Variants in PLEKHG2 observed in about 807,000 individuals in gnomAD.
PLEKHG2 encodes the protein pleckstrin homology domain-containing family G member 2.
Under a neutral mutation model 104.4 loss-of-function variants are expected in PLEKHG2, and 71 were observed. The ratio of observed to expected loss-of-function variants is 0.68; its 90% confidence interval spans 0.56 to 0.83. The LOEUF (loss-of-function observed/expected upper bound fraction) is 0.83. Among genes scored for constraint, PLEKHG2 ranks in the 40% least tolerant of loss-of-function variants. The pLI is 0.00. For missense variants in PLEKHG2, 1,730 were observed against 1,809.4 expected (o/e 0.96, Z 0.80); for synonymous variants, 728 against 737.0 (o/e 0.99, Z 0.20).
rs999116197 is a variant in PLEKHG2, at chr19:39,428,359, G to C, written c.*3065G>C. 6.6e-5 allele frequency: 10 copies of C among 152,392 alleles called. No homozygotes were observed. Among genetic ancestry groups the C allele is most frequent in the African/African-American group, 2.4e-4 (10 of 41,586 alleles). 9.4% of individuals were successfully genotyped at this position (152,392 alleles called of 1,614,324 possible). On this transcript the variant is annotated 3_prime_UTR_variant, in exon 19 of 19. Coordinates refer to ENST00000425673, the MANE Select transcript of PLEKHG2 (RefSeq NM_022835.3). Reference sequence around the variant, plus strand: ...TCAGGGGATTCTGATAATTAGCTGAGCACAGTTGCCAGCACAGGGCCTGGC... The same window carrying C: ...TCAGGGGATTCTGATAATTAGCTGACCACAGTTGCCAGCACAGGGCCTGGC...
In PLEKHG2 at chr19:39,426,266, C is replaced by T. The variant is rs1271999618; in HGVS notation, c.*972C>T. On this transcript the variant is annotated 3_prime_UTR_variant, in exon 19 of 19. Coordinates refer to ENST00000425673, the MANE Select transcript of PLEKHG2 (RefSeq NM_022835.3). ...TGATTTCCCTTGGCATCCTTCCCGT[C>T]AGTTCCTCTTGAATATCCCAGTTCT... is the stretch of plus-strand genomic sequence containing the variant. The T allele has an allele frequency of 1.3e-5, 2 of 152,304 alleles. No individual in the cohort carries two copies. The highest frequency in any genetic ancestry group is 1.5e-5 in the Non-Finnish European group (1 of 68,142). 9.4% of individuals were successfully genotyped at this position (152,304 alleles called of 1,614,324 possible).
chr19:39,424,629 C>G lies in PLEKHG2; in HGVS notation c.3496C>G (p.Gln1166Glu), dbSNP rs779551633. 2.5e-6 allele frequency: 4 copies of G among 1,614,148 alleles called. No individual in the cohort carries two copies. The highest frequency in any genetic ancestry group is 3.4e-6 in the Non-Finnish European group (4 of 1,180,010). ...CCAAGCCCTCCCAACTTCACCCAAG[C>G]AGGGAAGCCTCCCAGACATCCAGGG... ...WVQALPTSPK[Q>E]GSLPDIQGPA... The change falls in exon 19 of 19, where the codon CAG (glutamine) becomes GAG (glutamate). Residue 1166 changes from glutamine (Q) to glutamate (E), a missense_variant. By Grantham distance (29) the Gln-to-Glu change is conservative (BLOSUM62 2). Transcript: ENST00000425673.
chr19:39,422,085 CTTGCCTTCCA>C lies in PLEKHG2; in HGVS notation c.1504-25_1504-16del, dbSNP rs1230200359. Reference sequence around the variant, plus strand: ...TCTATGTGAGGGAGGAGTCTTGGCTCTTGCCTTCCATTGCTTTCCCTCCTCACAGCACGCT... The same window carrying C: ...TCTATGTGAGGGAGGAGTCTTGGCTCTTGCTTTCCCTCCTCACAGCACGCT... On this transcript the variant is annotated intron_variant, in intron 16 of 18. Coordinates refer to ENST00000425673, the MANE Select transcript of PLEKHG2 (RefSeq NM_022835.3). 6.3e-7 allele frequency: 1 copy of C among 1,587,830 alleles called. No homozygotes were observed. The highest frequency in any genetic ancestry group is 8.6e-7 in the Non-Finnish European group (1 of 1,167,244).
rs2078786747 is a variant in PLEKHG2, at chr19:39,426,822, G to A, written c.*1528G>A. The stretch of plus-strand genomic sequence containing the variant: ...CAACCTATTGAATCAGGATCCCCAG[G>A]GAAGGAGGAGCTTGGGAATCTGATT... On this transcript the variant is annotated 3_prime_UTR_variant, in exon 19 of 19. Coordinates refer to ENST00000425673, the MANE Select transcript of PLEKHG2 (RefSeq NM_022835.3). The A allele has an allele frequency of 6.6e-6, 1 of 151,122 alleles. No individual in the cohort carries two copies. The allele number at this position is 151,122 out of a possible 1,614,324, so 9.4% of individuals were successfully genotyped here. A position where few individuals can be genotyped will look rare whatever the true frequency, so the allele number is the denominator to read the frequency against.
chr19:39,423,228 C>T lies in PLEKHG2; in HGVS notation c.2174C>T (p.Pro725Leu), dbSNP rs1407420205. The T allele has an allele frequency of 1.2e-6, 2 of 1,613,470 alleles. No homozygotes were observed. Among genetic ancestry groups the T allele is most frequent in the South Asian group, 1.1e-5 (1 of 91,078 alleles). The change falls in exon 18 of 19, where the codon CCT becomes CTT. Residue 725 changes from proline (P) to leucine (L), a missense_variant. Coordinates refer to ENST00000425673, the MANE Select transcript of PLEKHG2 (RefSeq NM_022835.3). ...AATCCTGGGAAACTGGGAGAGCCGC[C>T]TTCAGGAGGCAAGGCAGGGCCAGAG... ...GSNPGKLGEP[P>L]SGGKAGPEED...
Position 39,424,550 on chromosome 19 carries a change from G to C in PLEKHG2, c.3417G>C (p.Gln1139His). The C allele has an allele frequency of 1.2e-6, 2 of 1,614,092 alleles. No individual in the cohort carries two copies. The highest frequency in any genetic ancestry group is 1.7e-6 in the Non-Finnish European group (2 of 1,180,034). The stretch of plus-strand genomic sequence containing the variant: ...TGTCCCAGGAGCTCCCAGACACTCA[G>C]GTTCCAGCTACCACACCTTTGCCCC... ...LSLSQELPDT[Q>H]VPATTPLPLP... Residue 1139 changes from glutamine (Q) to histidine (H), a missense_variant, in exon 19 of 19, where the codon CAG (glutamine) becomes CAC (histidine). Coordinates refer to ENST00000425673, the MANE Select transcript of PLEKHG2 (RefSeq NM_022835.3).
rs564428146 is a variant in PLEKHG2, at chr19:39,426,749, C to T, written c.*1455C>T. Reference sequence around the variant, plus strand: ...TTCCCAAACATATTTGAACCTCTGACTTGCTTAGGAGCATCATTCAAATCA... The same window carrying T: ...TTCCCAAACATATTTGAACCTCTGATTTGCTTAGGAGCATCATTCAAATCA... On this transcript the variant is annotated 3_prime_UTR_variant, in exon 19 of 19. Transcript: ENST00000425673. 1 of 152,284 alleles carries T rather than the reference C, an allele frequency of 6.6e-6. No homozygotes were observed. The highest frequency in any genetic ancestry group is 1.9e-4 in the East Asian group (1 of 5,188). The allele number at this position is 152,284 out of a possible 1,614,324, so 9.4% of individuals were successfully genotyped here.
At position 39,418,810 on chromosome 19, in the gene PLEKHG2, A is replaced by T. The variant is rs764948256; in HGVS notation, c.1160A>T (p.His387Leu). The T allele has an allele frequency of 1.2e-6, 2 of 1,610,010 alleles. No homozygotes were observed. Residue 387 changes from histidine (H) to leucine (L), a missense_variant, in exon 10 of 19, where the codon CAC becomes CTC. Transcript: ENST00000425673. ...GTGTCTGATCTGACCATTCCCAAGC[A>T]CAGACACCTGCTCCAGGTGAGCATG... ...FKVSDLTIPK[H>L]RHLLQAKNQE... is the part of the protein sequence containing the mutation.
chr19:39,416,876 CGTT>C lies in PLEKHG2; in HGVS notation c.623_625del (p.Leu208del), dbSNP rs1228514216. ...TCCCTGGCCCTGCTCCGGGAGCTGTCGTTGTCTCCGCCAGCAGCCCTGTGGCTG... is the reference window on the plus strand; with the variant it reads ...TCCCTGGCCCTGCTCCGGGAGCTGTCGTCTCCGCCAGCAGCCCTGTGGCTG... On this transcript the variant is annotated inframe_deletion, in exon 7 of 19. Transcript: ENST00000425673. This position sits in a 1 kb window ranked among gnomAD's most constrained non-coding sequence, Gnocchi z 4.5. The C allele has an allele frequency of 3.1e-6, 5 of 1,610,736 alleles. No homozygotes were observed. Among genetic ancestry groups the C allele is most frequent in the African/African-American group, 2.7e-5 (2 of 74,884 alleles).
Position 39,425,548 on chromosome 19 carries a change from G to A in PLEKHG2, c.*254G>A. On this transcript the variant is annotated 3_prime_UTR_variant, in exon 19 of 19. Coordinates refer to ENST00000425673, the MANE Select transcript of PLEKHG2 (RefSeq NM_022835.3). ...GTATTTTCCCATTCTGGAGGCTGTG[G>A]GAGATGACAAGACAATGAATGGGAA... is the stretch of plus-strand genomic sequence containing the variant. The A allele has an allele frequency of 1.8e-6, 1 of 551,086 alleles. No individual in the cohort carries two copies. Among genetic ancestry groups the A allele is most frequent in the Non-Finnish European group, 2.9e-6 (1 of 343,064 alleles). 34.1% of individuals were successfully genotyped at this position (551,086 alleles called of 1,614,324 possible).
At chr19:39,418,257 A>G in intron 9 of PLEKHG2, 152 bp downstream of exon 9, 2 of 683,884 alleles carry the variant, frequency 2.9e-6, no homozygotes, top group South Asian at 4.0e-5. Flanking sequence ...TTTCTAGTGT[A>G]TAGAATGAGA....
In PLEKHG2 at chr19:39,412,969, C is replaced by A. The variant is rs2078543410; in HGVS notation, c.-466C>A. 6.6e-6 allele frequency: 1 copy of A among 152,248 alleles called. No individual in the cohort carries two copies. The highest frequency in any genetic ancestry group is 2.1e-4 in the South Asian group (1 of 4,834). The allele number at this position is 152,248 out of a possible 1,614,324, so 9.4% of individuals were successfully genotyped here. On this transcript the variant is annotated 5_prime_UTR_variant, in exon 1 of 19. Transcript: ENST00000425673. The stretch of plus-strand genomic sequence containing the variant: ...TCCCTCCAGGGCTCCGATCCCAAGA[C>A]CCCGCGTTGGAGGAACTTGAGATCC...
chr19:39,423,300 T>C lies in PLEKHG2; in HGVS notation c.2246T>C (p.Val749Ala), dbSNP rs1217287492. The change falls in exon 18 of 19, where the codon GTC (valine) becomes GCC (alanine). Residue 749 changes from valine (V) to alanine (A), a missense_variant. Physicochemically the swap from Val to Ala is moderately conservative, Grantham distance 64 (BLOSUM62 0). Coordinates refer to ENST00000425673, the MANE Select transcript of PLEKHG2 (RefSeq NM_022835.3). The part of the protein sequence containing the change: ...VSFTDFQPQD[V>A]TQHQGFPDEL... ...TTCACAGACTTCCAGCCCCAGGATG[T>C]CACCCAACATCAGGGATTCCCAGAT... 6.2e-7 allele frequency: 1 copy of C among 1,614,028 alleles called. No individual in the cohort carries two copies. The highest frequency in any genetic ancestry group is 8.5e-7 in the Non-Finnish European group (1 of 1,179,894).
chr19:39,423,223 G>A lies in PLEKHG2; in HGVS notation c.2169G>A (p.Glu723=). ...FSGSNPGKLG[E]PPSGGKAGPE... Reference sequence around the variant, plus strand: ...GGAGCAATCCTGGGAAACTGGGAGAGCCGCCTTCAGGAGGCAAGGCAGGGC... The same window carrying A: ...GGAGCAATCCTGGGAAACTGGGAGAACCGCCTTCAGGAGGCAAGGCAGGGC... The change falls in exon 18 of 19, where the codon GAG becomes GAA. Residue 723 remains glutamate (E), a synonymous_variant. Coordinates refer to ENST00000425673, the MANE Select transcript of PLEKHG2 (RefSeq NM_022835.3). 6.2e-7 allele frequency: 1 copy of A among 1,613,172 alleles called. No homozygotes were observed. The highest frequency in any genetic ancestry group is 1.7e-4 in the Middle Eastern group (1 of 6,060).
chr19:39,424,312 G>T lies in PLEKHG2; in HGVS notation c.3179G>T (p.Gly1060Val), dbSNP rs780201621. The T allele has an allele frequency of 2.5e-6, 4 of 1,614,146 alleles. No individual in the cohort carries two copies. The South Asian group carries it at 4.4e-5, about 18-fold the overall frequency. The change falls in exon 19 of 19, where the codon GGT becomes GTT. Residue 1060 changes from glycine (G) to valine (V), a missense_variant. Physicochemically the swap from Gly to Val is moderately radical, Grantham distance 109. Transcript: ENST00000425673. ...PTNIPLTKQGGSRDVQGPDPV... is the reference protein window; with the variant it reads ...PTNIPLTKQGVSRDVQGPDPV... ...AATATCCCACTGACAAAGCAAGGAG[G>T]TTCCAGGGATGTTCAGGGCCCAGAC...
At position 39,415,535 on chromosome 19, in the gene PLEKHG2, G is replaced by T; in HGVS notation, c.479+96G>T. On this transcript the variant is annotated intron_variant, in intron 4 of 18. Coordinates refer to ENST00000425673, the MANE Select transcript of PLEKHG2 (RefSeq NM_022835.3). The surrounding 1 kb of genome is among the most constrained non-coding windows in gnomAD (Gnocchi z 4.6). ...AGCTTCGTAGTGTCCTGTCCAGGCT[G>T]GTACGTGGGGTTGTGACATTGGGCA... The T allele has an allele frequency of 7.5e-7, 1 of 1,335,356 alleles. No individual in the cohort carries two copies. Among genetic ancestry groups the T allele is most frequent in the Non-Finnish European group, 1.0e-6 (1 of 964,010 alleles). The allele number at this position is 1,335,356 out of a possible 1,614,324, so 82.7% of individuals were successfully genotyped here.
At position 39,415,107 on chromosome 19, in the gene PLEKHG2, C is replaced by T. The variant is rs927233443; in HGVS notation, c.225C>T (p.Ser75=). Reference sequence around the variant, plus strand: ...GGCCCACTCCAGCCTGCTCAGCCTCCAGGCCAGAGCCCCTTCCAGGGCCTC... The same window carrying T: ...GGCCCACTCCAGCCTGCTCAGCCTCTAGGCCAGAGCCCCTTCCAGGGCCTC... ...APGPTPACSA[S]RPEPLPGPPI... is the part of the protein sequence containing the mutation. Residue 75 remains serine (S), a synonymous_variant, in exon 3 of 19, where the codon TCC becomes TCT. Transcript: ENST00000425673. This position sits in a 1 kb window ranked among gnomAD's most constrained non-coding sequence, Gnocchi z 4.6. 1.3e-6 allele frequency: 2 copies of T among 1,595,872 alleles called. No individual in the cohort carries two copies. The highest frequency in any genetic ancestry group is 2.3e-5 in the East Asian group (1 of 43,676).
chr19:39,422,200 C>G lies in PLEKHG2; in HGVS notation c.1589C>G (p.Ala530Gly), dbSNP rs775040994. 3.1e-6 allele frequency: 5 copies of G among 1,613,744 alleles called. No individual in the cohort carries two copies. In the South Asian group the frequency reaches 5.5e-5, roughly 18 times the overall value. The change falls in exon 17 of 19, where the codon GCT (alanine) becomes GGT (glycine). Residue 530 changes from alanine to glycine, a missense_variant. By Grantham distance (60) the Ala-to-Gly change is moderately conservative (BLOSUM62 0). Coordinates refer to ENST00000425673, the MANE Select transcript of PLEKHG2 (RefSeq NM_022835.3). Reference sequence around the variant, plus strand: ...GCACCCCCTGAGGACCTGGAGGATGCTGGACCCCCAACACTGGACCCCTCT... The same window carrying G: ...GCACCCCCTGAGGACCTGGAGGATGGTGGACCCCCAACACTGGACCCCTCT... ...GSAPPEDLEDAGPPTLDPSGT... is the reference protein window; with the variant it reads ...GSAPPEDLEDGGPPTLDPSGT...
Position 39,418,055 on chromosome 19 carries a change from C to T in PLEKHG2, c.1033C>T (p.Leu345=). The T allele has an allele frequency of 6.5e-7, 1 of 1,545,456 alleles. No individual in the cohort carries two copies. Among genetic ancestry groups the T allele is most frequent in the Non-Finnish European group, 8.7e-7 (1 of 1,146,260 alleles). Residue 345 remains leucine (L), a synonymous_variant, in exon 9 of 19, where the codon CTG becomes TTG. Coordinates refer to ENST00000425673, the MANE Select transcript of PLEKHG2 (RefSeq NM_022835.3). ...RLLFLFSRML[L]VAKRRGLEYT... Reference sequence around the variant, plus strand: ...GCTCTTCCTGTTCTCTCGGATGCTGCTGGTGGCCAAGCGCAGGGGGCTGGA... The same window carrying T: ...GCTCTTCCTGTTCTCTCGGATGCTGTTGGTGGCCAAGCGCAGGGGGCTGGA...
Sources: gnomAD v4.1 joint callset for allele counts on GRCh38, gnomAD v4.1.1 for gene constraint, Gnocchi (gnomAD v3.1) non-coding constraint, MANE v1.5 for transcripts, NCBI Gene and HGNC (gene_info 2026-07-23, HGNC 2026-07-21) for gene names.